Variants in ZBTB4 observed in about 807,000 individuals in gnomAD.
ZBTB4 encodes zinc finger and BTB domain containing 4, also known as zinc finger and BTB domain-containing protein 4.
In ZBTB4, 14 loss-of-function variants were observed where a neutral mutation model predicts 59.8. That is an observed-to-expected ratio of 0.23 (90% CI 0.15 to 0.37). ZBTB4 has a LOEUF of 0.37. Ranked by LOEUF, ZBTB4 falls within the 10% of genes least tolerant of loss-of-function variation. ZBTB4 has a pLI of 1.00. For synonymous variants in ZBTB4, 587 were observed against 575.2 expected, an observed-to-expected ratio of 1.02 and a Z score of -0.29; for missense variants, 1,198 against 1,380.8, an observed-to-expected ratio of 0.87 and a Z score of 2.10.
rs768182070 is a variant in ZBTB4 at position 7,466,652 on chromosome 17, A to G, written c.150T>C (p.Ala50=). 1.9e-6 allele frequency: 3 copies of G among 1,613,608 alleles called. No homozygotes were observed. Among genetic ancestry groups the G allele is most frequent in the Non-Finnish European group, 2.5e-6 (3 of 1,179,944 alleles). ...KFPAHRSVLA[A]SSPFFREALL... is the part of the protein sequence containing the mutation. The stretch of plus-strand genomic sequence containing the variant: ...GGGCCTCTCTGAAGAAGGGACTTGA[A>G]GCAGCCAGGACGCTGCGGTGAGCAG... The change falls in exon 3 of 4, where the codon GCT becomes GCC. Residue 50 remains alanine, a synonymous_variant. Transcript: ENST00000380599. The surrounding 1 kb of genome is among the most constrained non-coding windows in gnomAD (Gnocchi z 9.1).
chr17:7,472,153 G>A (rs927220345), intron 1 of ZBTB4, among the ~76,000 whole-genome samples: 23 of 151,232 alleles, frequency 1.5e-4, no homozygotes, highest in Middle Eastern at 3.4e-3. Flanking sequence ...CCTATCTCCC[G>A]ACCCTACTTT....
chr17:7,475,525 C>T (rs2070257624), intron 1 of ZBTB4, among the ~76,000 whole-genome samples: 1 of 151,900 alleles, frequency 6.6e-6, no homozygotes, highest in Admixed American at 6.6e-5. Flanking sequence ...GATCTCGGCT[C>T]ACTGCAACCT....
At chr17:7,480,833 T>C (rs995760317), upstream of ZBTB4, among the ~76,000 whole-genome samples, 4 of 151,374 alleles carry the variant, frequency 2.6e-5, no homozygotes, top group African/African-American at 7.3e-5. Flanking sequence ...CAGACAAACT[T>C]TGGAGTCATG....
upstream of ZBTB4, chr17:7,482,430 T>C (rs749223255): frequency 1.9e-6 from 3 of 1,613,898 alleles, no homozygotes; most frequent in East Asian, 6.7e-5. Context: ...ACCCTCTGCC[T>C]TGAGAGCCAG....
At chr17:7,481,296 C>T, upstream of ZBTB4, 1 of 621,814 alleles carries the variant, frequency 1.6e-6, no homozygotes, top group Non-Finnish European at 2.3e-6. Flanking sequence ...CACCATTGCA[C>T]TCCAGCCTGG....
Position 7,465,016 on chromosome 17 carries a change from C to T in ZBTB4, c.1091+695G>A, listed in dbSNP as rs1040522075. Among the ~76,000 whole-genome samples, 195 of 150,368 alleles carry T rather than the reference C, an allele frequency of 1.3e-3. 2 individuals carry two copies. Among genetic ancestry groups the T allele is most frequent in the Non-Finnish European group, 9.3e-4 (63 of 67,682 alleles). ...CTAAAAATACAAAAAATTAGCCGGG[C>T]GTGATGGCGGGCGCCTGTAGTCCCA... On this transcript the variant is annotated intron_variant, in intron 3 of 3. Transcript: ENST00000380599.
chr17:7,465,551 C>T (rs1293945414), intron 3 of ZBTB4, among the ~76,000 whole-genome samples, 160 bp downstream of exon 3: 2 of 152,056 alleles, frequency 1.3e-5, no homozygotes, highest in African/African-American at 2.4e-5. Context: ...TGGCCACAAG[C>T]GATCCTCCCA....
rs1284265742 is a variant in ZBTB4, at chr17:7,466,812, T to C, written c.-9-2A>G. Reference sequence around the variant, plus strand: ...TGCAGGGGGGGGCATGGTGCCAGCCTAGACAGTGGGAGAAGAGGCCGGGTA... The same window carrying C: ...TGCAGGGGGGGGCATGGTGCCAGCCCAGACAGTGGGAGAAGAGGCCGGGTA... On this transcript the variant is annotated splice_acceptor_variant, in intron 2 of 3. Transcript: ENST00000380599. LOFTEE classifies it low-confidence loss of function (5UTR_SPLICE). This position sits in a 1 kb window ranked among gnomAD's most constrained non-coding sequence, Gnocchi z 9.1. 2.6e-6 allele frequency: 4 copies of C among 1,540,114 alleles called. No homozygotes were observed.
rs946456400 is a variant in ZBTB4, at chr17:7,461,307, G to C, written c.*633C>G. 6.5e-6 allele frequency: 1 copy of C among 152,748 alleles called. No homozygotes were observed. Among genetic ancestry groups the C allele is most frequent in the African/African-American group, 2.4e-5 (1 of 41,458 alleles). 9.5% of individuals were successfully genotyped at this position (152,748 alleles called of 1,614,324 possible). ...TGGCTTGGGAGAGGCCATCTCCGAAGTCCAGGAATATGGGGAGGAACATGG... is the reference window on the plus strand; with the variant it reads ...TGGCTTGGGAGAGGCCATCTCCGAACTCCAGGAATATGGGGAGGAACATGG... On this transcript the variant is annotated 3_prime_UTR_variant, in exon 4 of 4. Coordinates refer to ENST00000380599, the MANE Select transcript of ZBTB4 (RefSeq NM_001128833.2).
Position 7,466,517 on chromosome 17 carries a change from G to T in ZBTB4, c.285C>A (p.Ser95=), listed in dbSNP as rs1462909831. The change falls in exon 3 of 4, where the codon TCC becomes TCA. Residue 95 remains serine (S), a synonymous_variant. Transcript: ENST00000380599. The surrounding 1 kb of genome is among the most constrained non-coding windows in gnomAD (Gnocchi z 9.1). The part of the protein sequence containing the change: ...SSSSSSSSSS[S]SSSSSASSSS... ...AAGAAGAAGCAGAGGAGGAAGAAGA[G>T]GAAGAAGACGAGGAAGAGGAGGAGG... 1.2e-6 allele frequency: 2 copies of T among 1,610,582 alleles called. No individual in the cohort carries two copies. Among genetic ancestry groups the T allele is most frequent in the African/African-American group, 2.7e-5 (2 of 74,874 alleles).
upstream of ZBTB4, chr17:7,484,004 C>G (rs1567695700): frequency 6.7e-6 from 1 of 149,630 alleles, no homozygotes; most frequent in Non-Finnish European, 1.5e-5. Flanking sequence ...CCGCCATTAC[C>G]GATTCGCAGA....
Position 7,463,640 on chromosome 17 carries a change from G to A in ZBTB4, c.1342C>T (p.Pro448Ser). The A allele has an allele frequency of 6.2e-7, 1 of 1,611,544 alleles. No homozygotes were observed. Among genetic ancestry groups the A allele is most frequent in the Non-Finnish European group, 8.5e-7 (1 of 1,178,878 alleles). The change falls in exon 4 of 4, where the codon CCT (proline) becomes TCT (serine). Residue 448 changes from proline to serine, a missense_variant. Pro to Ser is a moderately conservative substitution (Grantham distance 74). This residue lies in a region of ZBTB4 where 550 missense variants were observed against 541.8 expected (regional missense o/e 1.02). Coordinates refer to ENST00000380599, the MANE Select transcript of ZBTB4 (RefSeq NM_001128833.2). ...PLSPTLNTPA[P>S]VAMPASPPPG... ...GGCGGGCTGGCTGGCATTGCCACAG[G>A]GGCCGGTGTGTTGAGGGTTGGAGAA... is the stretch of plus-strand genomic sequence containing the variant.
Position 7,462,072 on chromosome 17 carries a change from G to A in ZBTB4, c.2910C>T (p.Tyr970=), listed in dbSNP as rs117313567. The change falls in exon 4 of 4, where the codon TAC becomes TAT. Residue 970 remains tyrosine (Y), a synonymous_variant. Transcript: ENST00000380599. The surrounding 1 kb of genome is among the most constrained non-coding windows in gnomAD (Gnocchi z 7.5). ...ALPFLPGVFG[Y]AVNPQAAPPA... is the part of the protein sequence containing the mutation. ...GGGGTGCTGCTTGAGGATTCACTGC[G>A]TAGCCAAAGACCCCTGGTAGGAAGG... The A allele has an allele frequency of 6.9e-3, 10,972 of 1,599,964 alleles. 47 individuals are homozygous for A. Among genetic ancestry groups the A allele is most frequent in the Middle Eastern group, 9.5e-3 (57 of 5,970 alleles).
In ZBTB4 at chr17:7,466,264, C is replaced by T; in HGVS notation, c.538G>A (p.Glu180Lys). Residue 180 changes from glutamate to lysine, a missense_variant, in exon 3 of 4, where the codon GAG becomes AAG. Glu to Lys is a moderately conservative substitution (Grantham distance 56, BLOSUM62 1). Around this residue, in one of 9 missense-constraint regions of ZBTB4, gnomAD observed 204 missense variants for 205.5 expected, o/e 0.99. Transcript: ENST00000380599. The surrounding 1 kb of genome is among the most constrained non-coding windows in gnomAD (Gnocchi z 9.1). ...LGISRLQGLG[E>K]GGDAWVPPTP... ...GGAGGTACCCAGGCATCACCTCCCT[C>T]CCCCAGGCCCTGAAGGCGGGAGATG... The T allele has an allele frequency of 4.3e-6, 7 of 1,613,192 alleles. No homozygotes were observed. The highest frequency in any genetic ancestry group is 5.9e-6 in the Non-Finnish European group (7 of 1,179,494).
chr17:7,482,062 C>T, upstream of ZBTB4: 1 of 1,614,008 alleles, frequency 6.2e-7, no homozygotes, highest in East Asian at 2.2e-5. Flanking sequence ...CCAGCCTCCG[C>T]TGGCACCAGT....
At chr17:7,481,585 C>A, upstream of ZBTB4, 3 of 1,228,754 alleles carry the variant, frequency 2.4e-6, no homozygotes, top group Admixed American at 3.0e-5. Context: ...ATTTCCCCTC[C>A]TTTCCTAAAA....
chr17:7,465,006 A>C (rs1426732692), intron 3 of ZBTB4, among the ~76,000 whole-genome samples: 1 of 150,382 alleles, frequency 6.6e-6, no homozygotes, highest in Non-Finnish European at 1.5e-5. Flanking sequence ...AATACAAAAA[A>C]TTAGCCGGGC....
At position 7,461,782 on chromosome 17, in the gene ZBTB4, C is replaced by T. The variant is rs2055291471; in HGVS notation, c.*158G>A. ...TTCCCAGGAGATGGGAAAACTACAT[C>T]TCACACAAAGCAGCCTGACCCCTGA... On this transcript the variant is annotated 3_prime_UTR_variant, in exon 4 of 4. Transcript: ENST00000380599. The T allele has an allele frequency of 1.9e-5, 11 of 574,610 alleles. No individual in the cohort carries two copies. Among genetic ancestry groups the T allele is most frequent in the Non-Finnish European group, 3.3e-5 (11 of 330,156 alleles). The allele number at this position is 574,610 out of a possible 1,614,324, so 35.6% of individuals were successfully genotyped here.
intron 1 of ZBTB4, among the ~76,000 whole-genome samples, chr17:7,478,017 C>G (rs1471706637): frequency 6.6e-6 from 1 of 152,092 alleles, no homozygotes; most frequent in Non-Finnish European, 1.5e-5. Context: ...CTTCCTCATA[C>G]CAAATCCCCT....
Sources: allele counts gnomAD v4.1 joint callset (sites outside exome capture counted in the v4.1 genomes callset), GRCh38; gene constraint gnomAD v4.1.1; regional missense constraint gnomAD v4.1.1; non-coding constraint Gnocchi (gnomAD v3.1); transcripts MANE v1.5; gene names NCBI Gene and HGNC (gene_info 2026-07-23, HGNC 2026-07-21).